Variants in FRK observed in about 807,000 individuals in gnomAD.
FRK encodes tyrosine-protein kinase FRK.
In FRK, 51 loss-of-function variants were observed where a neutral mutation model predicts 56.4. That is an observed-to-expected ratio of 0.90 (90% CI 0.72 to 1.14). The LOEUF is 1.14. FRK is among the 50% of genes most tolerant of loss of function. FRK has a pLI of 0.00. For synonymous variants in FRK, 245 were observed against 217.9 expected, an observed-to-expected ratio of 1.12 and a Z score of -1.10; for missense variants, 570 against 601.4, an observed-to-expected ratio of 0.95 and a Z score of 0.55.
the FRK span, among the ~76,000 whole-genome samples, chr6:116,099,393 C>A: frequency 6.6e-6 from 1 of 152,236 alleles, no homozygotes; most frequent in Non-Finnish European, 1.5e-5. Flanking sequence ...GTGGCATGCA[C>A]CTGGAAGTTT....
chr6:116,038,787 A>C (rs1225048800), intron 1 of FRK: 3 of 495,814 alleles, frequency 6.1e-6, no homozygotes, highest in Non-Finnish European at 1.2e-5. Context: ...GTTGGGGGGA[A>C]CTGGAAGATG....
intron 2 of FRK, among the ~76,000 whole-genome samples, chr6:115,990,029 T>C (rs1429297556): frequency 6.6e-6 from 1 of 151,972 alleles, no homozygotes; most frequent in Non-Finnish European, 1.5e-5. Context: ...TTCACTTCTC[T>C]GAGGATTAGC....
chr6:116,054,620 G>A (rs1361913421), intron 1 of FRK, among the ~76,000 whole-genome samples: 2 of 148,372 alleles, frequency 1.3e-5, no homozygotes, highest in African/African-American at 4.9e-5. Flanking sequence ...TAAAATTATA[G>A]TAAGTATACT....
intron 2 of FRK, among the ~76,000 whole-genome samples, chr6:115,994,053 C>G (rs932240132): frequency 6.6e-6 from 1 of 151,966 alleles, no homozygotes; most frequent in Non-Finnish European, 1.5e-5. Context: ...TTTCCCAAAC[C>G]ATGTTTTATA....
At chr6:116,044,015 C>A (rs1776839072) in intron 1 of FRK, among the ~76,000 whole-genome samples, 1 of 152,140 alleles carries the variant, frequency 6.6e-6, no homozygotes, top group Admixed American at 6.6e-5. Flanking sequence ...GAAACATACA[C>A]CCTCCCAAGT....
At chr6:116,072,178 T>C in the FRK span, among the ~76,000 whole-genome samples, 1 of 152,170 alleles carries the variant, frequency 6.6e-6, no homozygotes, top group Non-Finnish European at 1.5e-5. Context: ...AAGAGGACTA[T>C]TGCACTCTAT....
chr6:115,971,614 T>C (rs922902706), intron 2 of FRK, among the ~76,000 whole-genome samples: 2 of 152,170 alleles, frequency 1.3e-5, no homozygotes, highest in African/African-American at 4.8e-5. Flanking sequence ...AGATGAAAGC[T>C]CCAGCAAAGT....
chr6:116,039,560 C>A (rs1776632387), intron 1 of FRK: 1 of 896,082 alleles, frequency 1.1e-6, no homozygotes, highest in Non-Finnish European at 1.9e-6. Flanking sequence ...AGCCCAGTAA[C>A]TGCCCCTCCC....
intron 2 of FRK, among the ~76,000 whole-genome samples, chr6:115,991,300 G>A (rs1774595706): frequency 6.6e-6 from 1 of 151,628 alleles, no homozygotes; most frequent in Non-Finnish European, 1.5e-5. Context: ...ACAATTTCCA[G>A]TACTATATTG....
At chr6:116,072,553 AC>A in the FRK span, among the ~76,000 whole-genome samples, 2 of 145,878 alleles carry the variant, frequency 1.4e-5, no homozygotes, top group Non-Finnish European at 3.1e-5. Flanking sequence ...ACACACACAC[AC>A]ACACACACAC....
chr6:115,991,318 G>A (rs1198150867), intron 2 of FRK, among the ~76,000 whole-genome samples: 1 of 151,892 alleles, frequency 6.6e-6, no homozygotes, highest in African/African-American at 2.4e-5. Context: ...TTGAATAGGA[G>A]TGGTGAGAGT....
intron 2 of FRK, among the ~76,000 whole-genome samples, chr6:116,000,245 TTTTTTTTTTTTTTTTGAG>T (rs1562278839): frequency 9.5e-6 from 1 of 105,352 alleles, no homozygotes; most frequent in African/African-American, 3.6e-5. Context: ...TTTTTTTTTT[TTTTTTTTTTTTTTTTGAG>T]ACGGAGTCTC....
chr6:116,049,041 G>A (rs1777092112), intron 1 of FRK, among the ~76,000 whole-genome samples: 1 of 151,228 alleles, frequency 6.6e-6, no homozygotes, highest in Non-Finnish European at 1.5e-5. Context: ...ATGGACCTTT[G>A]AAATATAATT....
chr6:116,000,223 CTTTTTTTTTTTTTTTTTTTT>C lies in FRK; in HGVS notation c.466+3634_466+3653del, dbSNP rs561273499. Among the ~76,000 whole-genome samples, 84 of 53,106 alleles carry C rather than the reference CTTTTTTTTTTTTTTTTTTTT, an allele frequency of 1.6e-3. No homozygotes were observed. The East Asian group carries it at 0.018, about 11-fold the overall frequency. The allele number at this position is 53,106 out of a possible 152,430, so 34.8% of individuals were successfully genotyped here. A position where few individuals can be genotyped will look rare whatever the true frequency, so the allele number is the denominator to read the frequency against. On this transcript the variant is annotated intron_variant, in intron 2 of 7. Transcript: ENST00000606080. ...TTTCCTCATGAAAATATCATTCTTT[CTTTTTTTTTTTTTTTTTTTT>C]TTTTTTTTTTTTTTTTTGAGACGGA...
intron 2 of FRK, among the ~76,000 whole-genome samples, chr6:115,992,885 A>G (rs1011218809): frequency 1.8e-4 from 27 of 151,842 alleles, no homozygotes; most frequent in African/African-American, 6.3e-4. Flanking sequence ...TCTAAATAAA[A>G]GAGAATGAGA....
chr6:115,998,291 G>A (rs1774919647), intron 2 of FRK, among the ~76,000 whole-genome samples: 1 of 152,116 alleles, frequency 6.6e-6, no homozygotes, highest in Non-Finnish European at 1.5e-5. Context: ...AACATCAAAG[G>A]TAACATCTAA....
intron 1 of FRK, among the ~76,000 whole-genome samples, chr6:116,055,018 T>G (rs544897830): frequency 6.6e-6 from 1 of 152,312 alleles, no homozygotes; most frequent in African/African-American, 2.4e-5. Flanking sequence ...AGGCACACTA[T>G]GTACAATTTG....
intron 5 of FRK, among the ~76,000 whole-genome samples, chr6:115,950,416 T>C (rs1299888369): frequency 1.3e-5 from 2 of 151,992 alleles, no homozygotes; most frequent in African/African-American, 2.4e-5. Context: ...TCAACAAATA[T>C]ATGAAAAAAA....
chr6:116,061,399 A>AACACACACACACACACAC (rs3049929), upstream of FRK, among the ~76,000 whole-genome samples: 5 of 146,574 alleles, frequency 3.4e-5, no homozygotes, highest in African/African-American at 1.0e-4. Flanking sequence ...CTATTTGGGA[A>AACACACACACACACACAC]ACACACACAC....
Sources: gnomAD v4.1 joint callset for allele counts (sites outside exome capture counted in the v4.1 genomes callset) on GRCh38, gnomAD v4.1.1 for gene constraint, MANE v1.5 for transcripts, NCBI Gene and HGNC (gene_info 2026-07-23, HGNC 2026-07-21) for gene names.